The following LRRC8E variants were observed in gnomAD, a reference collection of about 807,000 sequenced individuals.
The protein encoded by LRRC8E is leucine rich repeat containing 8 VRAC subunit E, also known as volume-regulated anion channel subunit LRRC8E.
Under a neutral mutation model 6.1 loss-of-function variants are expected in LRRC8E, and 6 were observed. The ratio of observed to expected loss-of-function variants is 0.98; its 90% CI spans 0.54 to 1.93. The LOEUF is 1.93. Among genes scored for constraint, LRRC8E ranks in the 30% most tolerant of loss-of-function variants. LRRC8E has a pLI of 0.01. For synonymous variants in LRRC8E, 485 were observed against 472.8 expected (o/e 1.03, Z -0.33); for missense variants, 1,028 against 1,031.4 (o/e 1.00, Z 0.04).
chr19:7,895,704 C>T lies in LRRC8E; in HGVS notation c.101C>T (p.Ala34Val), dbSNP rs146658172. 2 of 1,614,054 alleles carry T rather than the reference C, an allele frequency of 1.2e-6. No homozygotes were observed. The highest frequency in any genetic ancestry group is 2.2e-5 in the South Asian group (2 of 91,082). The stretch of plus-strand genomic sequence containing the variant: ...GTGCTGGCCGAGTACCTCACCGTGG[C>T]CATGCTCATGATTGGGGTCTTTGGC... ...WDVLAEYLTVAMLMIGVFGCT... is the reference protein window; with the variant it reads ...WDVLAEYLTVVMLMIGVFGCT... Residue 34 changes from alanine to valine, a missense_variant, in exon 2 of 3, where the codon GCC (alanine) becomes GTC (valine). Coordinates refer to ENST00000306708, the MANE Select transcript of LRRC8E (RefSeq NM_025061.6). The surrounding 1 kb of genome is among the most constrained non-coding windows in gnomAD (Gnocchi z 4.7).
chr19:7,893,623 C>T lies in LRRC8E; in HGVS notation c.-5-1976C>T, dbSNP rs549890497. On this transcript the variant is annotated intron_variant, in intron 1 of 2. Coordinates refer to ENST00000306708, the MANE Select transcript of LRRC8E (RefSeq NM_025061.6). ...ATTGCAGTGGCACGATCTCAGCTCA[C>T]CACAACCTCCGCTTCCCGGGTTCAA... 2.6e-5 allele frequency: 4 copies of T among 152,048 alleles called. No individual in the cohort carries two copies. In the East Asian group the frequency reaches 7.8e-4, roughly 30 times the overall value. The allele number at this position is 152,048 out of a possible 1,614,324, so 9.4% of individuals were successfully genotyped here. A position where few individuals can be genotyped will look rare whatever the true frequency, so the allele number is the denominator to read the frequency against.
chr19:7,901,084 G>C lies in LRRC8E; in HGVS notation c.*171G>C. On this transcript the variant is annotated 3_prime_UTR_variant, in exon 3 of 3. Transcript: ENST00000306708. ...AGGAGGATCTGGGCTGGTTTGTCTG[G>C]GGAGACAGACAGGATGTTGTGGAGC... 1 of 567,514 alleles carries C rather than the reference G, an allele frequency of 1.8e-6. No homozygotes were observed. Among genetic ancestry groups the C allele is most frequent in the South Asian group, 2.9e-5 (1 of 34,272 alleles). The allele number at this position is 567,514 out of a possible 1,614,324, so 35.2% of individuals were successfully genotyped here. A position where few individuals can be genotyped will look rare whatever the true frequency, so the allele number is the denominator to read the frequency against.
rs369959653 is a variant in LRRC8E at position 7,895,782 on chromosome 19, G to T, written c.138+41G>T. ...GGCAAGGGGGTGTGACCAGAGGGGC[G>T]GGGCAGGTGTCTGGGGAAGTCGGGA... On this transcript the variant is annotated intron_variant, in intron 2 of 2. Transcript: ENST00000306708. The surrounding 1 kb of genome is among the most constrained non-coding windows in gnomAD (Gnocchi z 4.7). The T allele has an allele frequency of 2.5e-6, 4 of 1,597,924 alleles. No individual in the cohort carries two copies. Among genetic ancestry groups the T allele is most frequent in the Non-Finnish European group, 3.4e-6 (4 of 1,166,988 alleles).
At chr19:7,892,213 C>A (rs1981351848) in intron 1 of LRRC8E, among the ~76,000 whole-genome samples, 1 of 152,120 alleles carries the variant, frequency 6.6e-6, no homozygotes, top group African/African-American at 2.4e-5. Context: ...GCTGGGACTA[C>A]AGGCGTCTGC....
chr19:7,894,616 T>C lies in LRRC8E; in HGVS notation c.-5-983T>C, dbSNP rs188550505. Among the ~76,000 whole-genome samples the C allele has an allele frequency of 6.5e-3, 986 of 152,246 alleles. 4 individuals carry two copies. Among genetic ancestry groups the C allele is most frequent in the Non-Finnish European group, 0.011 (778 of 68,008 alleles). On this transcript the variant is annotated intron_variant, in intron 1 of 2. Coordinates refer to ENST00000306708, the MANE Select transcript of LRRC8E (RefSeq NM_025061.6). ...TGGCAGAAGTGGGCTGGTCTAAGGT[T>C]CCCCACCTTCCTTGTTCCACCTCCA...
chr19:7,898,933 C>G lies in LRRC8E; in HGVS notation c.411C>G (p.Phe137Leu). The G allele has an allele frequency of 6.2e-7, 1 of 1,614,220 alleles. No individual in the cohort carries two copies. Among genetic ancestry groups the G allele is most frequent in the Non-Finnish European group, 8.5e-7 (1 of 1,180,050 alleles). ...TCATGGTCTGCACCAGTTTCTGGTT[C>G]AAGTTCCCTGGCACCAGCTCCAAGA... ...LIFMVCTSFWFKFPGTSSKIE... is the reference protein window; with the variant it reads ...LIFMVCTSFWLKFPGTSSKIE... Residue 137 changes from phenylalanine (F) to leucine (L), a missense_variant, in exon 3 of 3, where the codon TTC becomes TTG. Physicochemically the swap from Phe to Leu is conservative, Grantham distance 22. Coordinates refer to ENST00000306708, the MANE Select transcript of LRRC8E (RefSeq NM_025061.6).
chr19:7,895,872 G>C lies in LRRC8E; in HGVS notation c.138+131G>C. 8.8e-7 allele frequency: 1 copy of C among 1,139,052 alleles called. No homozygotes were observed. The highest frequency in any genetic ancestry group is 2.4e-5 in the Admixed American group (1 of 41,612). 70.6% of individuals were successfully genotyped at this position (1,139,052 alleles called of 1,614,324 possible). On this transcript the variant is annotated intron_variant, in intron 2 of 2. Transcript: ENST00000306708. This position sits in a 1 kb window ranked among gnomAD's most constrained non-coding sequence, Gnocchi z 4.7. The stretch of plus-strand genomic sequence containing the variant: ...AGAGCCCCACTCAAAGGCCAATCCA[G>C]ACCCCTTATCTTCCTTACCTCCATA...
At chr19:7,896,707 C>T (rs1360691259) in intron 2 of LRRC8E, among the ~76,000 whole-genome samples, 1 of 152,184 alleles carries the variant, frequency 6.6e-6, no homozygotes. Flanking sequence ...GATCTTCCCG[C>T]CTCAGCCTCC....
Position 7,899,214 on chromosome 19 carries a change from C to T in LRRC8E, c.692C>T (p.Ala231Val), listed in dbSNP as rs201612266. ...TTGGACAAGAAGGAGGGTGAGCAAG[C>T]CAAAGCCCTGTTTGAGAAGGTGAAG... ...TLLDKKEGEQ[A>V]KALFEKVKKF... Residue 231 changes from alanine to valine, a missense_variant, in exon 3 of 3, where the codon GCC (alanine) becomes GTC (valine). Physicochemically the swap from Ala to Val is moderately conservative, Grantham distance 64. Coordinates refer to ENST00000306708, the MANE Select transcript of LRRC8E (RefSeq NM_025061.6). 6.2e-7 allele frequency: 1 copy of T among 1,614,174 alleles called. No homozygotes were observed. Among genetic ancestry groups the T allele is most frequent in the Non-Finnish European group, 8.5e-7 (1 of 1,180,038 alleles).
chr19:7,896,910 G>GT (rs1981625980), intron 2 of LRRC8E, among the ~76,000 whole-genome samples: 1 of 152,006 alleles, frequency 6.6e-6, no homozygotes, highest in Non-Finnish European at 1.5e-5. Flanking sequence ...TTTTCACAAT[G>GT]CTCAGTTTTA....
rs190239641 is a variant in LRRC8E, at chr19:7,900,687, G to A, written c.2165G>A (p.Arg722His). The change falls in exon 3 of 3, where the codon CGC becomes CAC. Residue 722 changes from arginine to histidine, a missense_variant. By Grantham distance (29) the Arg-to-His change is conservative. Transcript: ENST00000306708. The surrounding 1 kb of genome is among the most constrained non-coding windows in gnomAD (Gnocchi z 5.0). Reference sequence around the variant, plus strand: ...CTGCCCGAAGAGCTCTTCTTCTGCCGCAAGCTGCGGACGTTGCTTCTGGGC... The same window carrying A: ...CTGCCCGAAGAGCTCTTCTTCTGCCACAAGCTGCGGACGTTGCTTCTGGGC... ...EALPEELFFCRKLRTLLLGDN... is the reference protein window; with the variant it reads ...EALPEELFFCHKLRTLLLGDN... 4.3e-5 allele frequency: 70 copies of A among 1,613,454 alleles called. No homozygotes were observed. The Admixed American group carries it at 7.3e-4, about 17-fold the overall frequency.
rs190089092 is a variant in LRRC8E, at chr19:7,893,342, T to C, written c.-5-2257T>C. 5.6e-3 allele frequency among the ~76,000 whole-genome samples: 846 copies of C among 151,808 alleles called. 9 individuals carry two copies. Among genetic ancestry groups the C allele is most frequent in the Non-Finnish European group, 6.2e-3 (419 of 67,918 alleles). ...TTTTAATAGAGACGGAGTTTCACCA[T>C]GTTGGCCAGGCTGGTCTCGAACTCC... On this transcript the variant is annotated intron_variant, in intron 1 of 2. Transcript: ENST00000306708.
In LRRC8E at chr19:7,899,316, A is replaced by T; in HGVS notation, c.794A>T (p.Lys265Met). Residue 265 changes from lysine (K) to methionine (M), a missense_variant, in exon 3 of 3, where the codon AAG becomes ATG. Lys to Met is a moderately conservative substitution (Grantham distance 95). Coordinates refer to ENST00000306708, the MANE Select transcript of LRRC8E (RefSeq NM_025061.6). The stretch of plus-strand genomic sequence containing the variant: ...CGACAGACGGTGCTGAAAGTGTGTA[A>T]GTTCCTGGCCATCCTGGTCTACAAC... Reference protein sequence around the residue: ...YIRQTVLKVCKFLAILVYNLV... With the variant: ...YIRQTVLKVCMFLAILVYNLV... The T allele has an allele frequency of 6.2e-7, 1 of 1,614,196 alleles. No homozygotes were observed. Among genetic ancestry groups the T allele is most frequent in the South Asian group, 1.1e-5 (1 of 91,088 alleles).
chr19:7,896,913 CAG>C (rs1981626384), intron 2 of LRRC8E, among the ~76,000 whole-genome samples: 1 of 151,962 alleles, frequency 6.6e-6, no homozygotes, highest in Non-Finnish European at 1.5e-5. Flanking sequence ...TCACAATGCT[CAG>C]TTTTATCCCT....
chr19:7,899,609 T>C lies in LRRC8E; in HGVS notation c.1087T>C (p.Phe363Leu), dbSNP rs1981832436. 3 of 1,613,662 alleles carry C rather than the reference T, an allele frequency of 1.9e-6. No individual in the cohort carries two copies. Among genetic ancestry groups the C allele is most frequent in the Non-Finnish European group, 2.5e-6 (3 of 1,180,036 alleles). Reference protein sequence around the residue: ...MGDIPDVKNDFAFMLHLIDQY... With the variant: ...MGDIPDVKNDLAFMLHLIDQY... ...GGACATTCCTGACGTCAAGAATGAC[T>C]TCGCCTTCATGCTGCACCTCATCGA... is the stretch of plus-strand genomic sequence containing the variant. The change falls in exon 3 of 3, where the codon TTC becomes CTC. Residue 363 changes from phenylalanine (F) to leucine (L), a missense_variant. Physicochemically the swap from Phe to Leu is conservative, Grantham distance 22 (BLOSUM62 0). Transcript: ENST00000306708.
chr19:7,901,639 A>C lies in LRRC8E; in HGVS notation c.*726A>C, dbSNP rs536651853. 6.6e-6 allele frequency: 1 copy of C among 151,242 alleles called. No individual in the cohort carries two copies. Among genetic ancestry groups the C allele is most frequent in the Admixed American group, 6.6e-5 (1 of 15,168 alleles). The allele number at this position is 151,242 out of a possible 1,614,324, so 9.4% of individuals were successfully genotyped here. ...ATGACTATAATCCCAGCTGTTTGAG[A>C]GGCCAATGCAGGAGGATGGTTGAGC... On this transcript the variant is annotated 3_prime_UTR_variant, in exon 3 of 3. Coordinates refer to ENST00000306708, the MANE Select transcript of LRRC8E (RefSeq NM_025061.6).
rs574143989 is a variant in LRRC8E, at chr19:7,900,139, G to A, written c.1617G>A (p.Val539=). 2 of 1,612,966 alleles carry A rather than the reference G, an allele frequency of 1.2e-6. No homozygotes were observed. Among genetic ancestry groups the A allele is most frequent in the East Asian group, 2.2e-5 (1 of 44,886 alleles). Residue 539 remains valine, a synonymous_variant, in exon 3 of 3, where the codon GTG becomes GTA. Coordinates refer to ENST00000306708, the MANE Select transcript of LRRC8E (RefSeq NM_025061.6). The surrounding 1 kb of genome is among the most constrained non-coding windows in gnomAD (Gnocchi z 5.0). The part of the protein sequence containing the change: ...ESLRELKQLK[V]LSLRSNAGKV... ...TCCGGGAGCTGAAGCAGCTCAAGGT[G>A]TTGTCCCTCCGGAGCAACGCCGGGA... is the stretch of plus-strand genomic sequence containing the variant.
chr19:7,898,398 C>G (rs972772610), intron 2 of LRRC8E, among the ~76,000 whole-genome samples: 1 of 151,968 alleles, frequency 6.6e-6, no homozygotes, highest in Non-Finnish European at 1.5e-5. Context: ...CTCACTCTGT[C>G]ACCCAGGCTG....
chr19:7,899,191 G>A lies in LRRC8E; in HGVS notation c.669G>A (p.Leu223=). 1 of 1,614,174 alleles carries A rather than the reference G, an allele frequency of 6.2e-7. No individual in the cohort carries two copies. The highest frequency in any genetic ancestry group is 8.5e-7 in the Non-Finnish European group (1 of 1,180,034). Residue 223 remains leucine, a synonymous_variant, in exon 3 of 3, where the codon TTG becomes TTA. Coordinates refer to ENST00000306708, the MANE Select transcript of LRRC8E (RefSeq NM_025061.6). ...VVTEPPVVTL[L]DKKEGEQAKA... ...CCGAGCCTCCAGTTGTCACCCTGTT[G>A]GACAAGAAGGAGGGTGAGCAAGCCA...
Sources: allele counts gnomAD v4.1 joint callset (sites outside exome capture counted in the v4.1 genomes callset), GRCh38; gene constraint gnomAD v4.1.1; non-coding constraint Gnocchi (gnomAD v3.1); transcripts MANE v1.5; gene names NCBI Gene and HGNC (gene_info 2026-07-23, HGNC 2026-07-21).